The following SOX6 variants were observed in gnomAD, a reference collection of about 807,000 sequenced individuals.
SOX6 encodes transcription factor SOX-6.
A neutral mutation model predicts 97.8 loss-of-function variants in SOX6; 11 were observed. That is an observed-to-expected ratio of 0.11 (90% confidence interval 0.07 to 0.19). The LOEUF is 0.19. Ranked by LOEUF, SOX6 falls within the 10% of genes least tolerant of loss-of-function variation. The pLI is 1.00. For missense variants in SOX6, 810 were observed against 1,039.5 expected, an observed-to-expected ratio of 0.78 and a Z score of 3.04; for synonymous variants, 360 against 371.4, an observed-to-expected ratio of 0.97 and a Z score of 0.35.
At chr11:16,313,633 A>G (rs758736242) in intron 3 of SOX6, 1 of 152,074 alleles carries the variant, frequency 6.6e-6, no homozygotes, top group Non-Finnish European at 1.5e-5. Context: ...AAACTTTTTA[A>G]TGACCCTTTC....
intron 3 of SOX6, among the ~76,000 whole-genome samples, chr11:16,702,332 A>G (rs1848101045): frequency 1.3e-5 from 2 of 152,230 alleles, no homozygotes; most frequent in Admixed American, 6.5e-5. Context: ...GGATTCAGGT[A>G]TCTTATATCA....
chr11:16,718,005 AG>A (rs1443239826), intron 2 of SOX6, among the ~76,000 whole-genome samples: 1 of 150,926 alleles, frequency 6.6e-6, no homozygotes, highest in Non-Finnish European at 1.5e-5. Context: ...AAAGAAGGAA[AG>A]TTCTAAGAAA....
chr11:16,180,575 A>G (rs1385239991), intron 6 of SOX6, among the ~76,000 whole-genome samples: 1 of 151,748 alleles, frequency 6.6e-6, no homozygotes, highest in Non-Finnish European at 1.5e-5. Flanking sequence ...TCCCCAAAGC[A>G]CAGAGGGATC....
chr11:16,406,427 A>G (rs1247884769), intron 1 of SOX6, among the ~76,000 whole-genome samples: 1 of 152,122 alleles, frequency 6.6e-6, no homozygotes, highest in Non-Finnish European at 1.5e-5. Context: ...AGTTGAGTTC[A>G]CTAACATATC....
chr11:16,152,143 T>C (rs550553928), intron 6 of SOX6, among the ~76,000 whole-genome samples: 57 of 152,348 alleles, frequency 3.7e-4, no homozygotes, highest in African/African-American at 1.3e-3. Flanking sequence ...CACAGTTTGC[T>C]TTTTCAAACA....
chr11:16,640,621 T>C (rs1407559265), intron 3 of SOX6, among the ~76,000 whole-genome samples: 1 of 152,228 alleles, frequency 6.6e-6, no homozygotes, highest in African/African-American at 2.4e-5. Context: ...ATTCAACTTC[T>C]TCCTGGTTTA....
At chr11:16,655,011 G>A (rs1377513192) in intron 3 of SOX6, among the ~76,000 whole-genome samples, 1 of 152,218 alleles carries the variant, frequency 6.6e-6, no homozygotes, top group African/African-American at 2.4e-5. Context: ...GTAAAAGGTT[G>A]TAACCTCTGG....
At chr11:16,276,557 A>T (rs903682021) in intron 3 of SOX6, among the ~76,000 whole-genome samples, 1 of 152,198 alleles carries the variant, frequency 6.6e-6, no homozygotes, top group Non-Finnish European at 1.5e-5. Flanking sequence ...TAAAAAAGGT[A>T]TAAATAGAAT....
chr11:15,968,391 CAT>C lies in SOX6; in HGVS notation c.*4416_*4417del, dbSNP rs1404957986. ...TGTTGGCACTTGGTACAGGACTTCT[CAT>C]ATGATTTAAAATTACTAAGTGATTC... On this transcript the variant is annotated 3_prime_UTR_variant, in exon 16 of 16. Transcript: ENST00000683767. 6.6e-6 allele frequency: 1 copy of C among 152,194 alleles called. No individual in the cohort carries two copies. The highest frequency in any genetic ancestry group is 1.9e-4 in the East Asian group (1 of 5,190). 9.4% of individuals were successfully genotyped at this position (152,194 alleles called of 1,614,324 possible).
At chr11:16,603,422 G>C (rs1230142715) in intron 4 of SOX6, among the ~76,000 whole-genome samples, 1 of 152,144 alleles carries the variant, frequency 6.6e-6, no homozygotes, top group Non-Finnish European at 1.5e-5. Flanking sequence ...ATCTGCCCAG[G>C]CTTTCCCACA....
At position 16,039,182 on chromosome 11, in the gene SOX6, CCTCT is replaced by C. The variant is rs572816409; in HGVS notation, c.1623+7328_1623+7331del. ...CCTTAATTTTTATTTCCCACAATCT[CCTCT>C]CTATTTAGTTTTTATGTTGTTTTAC... is the stretch of plus-strand genomic sequence containing the variant. On this transcript the variant is annotated intron_variant, in intron 12 of 15. Coordinates refer to ENST00000683767, the MANE Select transcript of SOX6 (RefSeq NM_001367873.1). Among the ~76,000 whole-genome samples the C allele has an allele frequency of 7.2e-5, 11 of 152,156 alleles. No homozygotes were observed. The South Asian group carries it at 2.3e-3, about 32-fold the overall frequency.
chr11:16,675,470 T>C (rs1408731609), intron 3 of SOX6, among the ~76,000 whole-genome samples: 2 of 152,226 alleles, frequency 1.3e-5, no homozygotes, highest in African/African-American at 4.8e-5. Flanking sequence ...CAATTATTGG[T>C]TTATGCTATT....
chr11:16,413,923 T>C (rs1858874838), intron 1 of SOX6, among the ~76,000 whole-genome samples: 1 of 151,894 alleles, frequency 6.6e-6, no homozygotes, highest in Non-Finnish European at 1.5e-5. Context: ...GAAAGGAGGG[T>C]TTTATATGAG....
intron 4 of SOX6, among the ~76,000 whole-genome samples, chr11:16,194,971 C>A (rs1477556275): frequency 6.6e-6 from 1 of 152,202 alleles, no homozygotes; most frequent in African/African-American, 2.4e-5. Context: ...CCATAACCTA[C>A]ACATAAAAAT....
intron 3 of SOX6, among the ~76,000 whole-genome samples, chr11:16,696,429 TCAAA>T (rs1486998446): frequency 6.6e-6 from 1 of 152,218 alleles, no homozygotes; most frequent in Non-Finnish European, 1.5e-5. Context: ...TATTCATTTA[TCAAA>T]CACTCACTGA....
exon 2 of SOX6, chr11:16,736,354 T>A (rs922319663): frequency 6.6e-6 from 1 of 152,240 alleles, no homozygotes; most frequent in Non-Finnish European, 1.5e-5. Flanking sequence ...GCCTTCTGTA[T>A]ATGAAACTGA....
intron 1 of SOX6, chr11:16,476,211 A>C (rs1415860729): frequency 1.3e-5 from 2 of 152,178 alleles, no homozygotes; most frequent in African/African-American, 4.8e-5. Context: ...AACAATTGCA[A>C]AAAAACTAAT....
At chr11:16,058,849 G>A (rs1847879672) in intron 9 of SOX6, among the ~76,000 whole-genome samples, 1 of 152,092 alleles carries the variant, frequency 6.6e-6, no homozygotes, top group South Asian at 2.1e-4. Context: ...GTGAGGTTAT[G>A]TGCTCATGGG....
At chr11:16,581,833 G>A (rs1199350250) in intron 4 of SOX6, among the ~76,000 whole-genome samples, 4 of 151,720 alleles carry the variant, frequency 2.6e-5, no homozygotes, top group South Asian at 4.2e-4. Flanking sequence ...GTGGTGGCAC[G>A]TGTCTGTAAT....
Sources: allele counts gnomAD v4.1 joint callset (sites outside exome capture counted in the v4.1 genomes callset), GRCh38; gene constraint gnomAD v4.1.1; transcripts MANE v1.5; gene names NCBI Gene and HGNC (gene_info 2026-07-23, HGNC 2026-07-21).